Variants in CHD9 observed in about 807,000 individuals in gnomAD.
CHD9 encodes the protein chromodomain helicase DNA binding protein 9.
Under a neutral mutation model 316.1 loss-of-function variants are expected in CHD9, and 77 were observed. The ratio of observed to expected loss-of-function variants is 0.24; its 90% CI spans 0.20 to 0.29. The LOEUF is 0.29. CHD9 is among the 10% of genes least tolerant of loss of function. CHD9 has a pLI of 1.00. For synonymous variants in CHD9, 1,129 were observed against 1,158.3 expected (o/e 0.97, Z 0.51); for missense variants, 2,763 against 3,438.1 (o/e 0.80, Z 4.91).
rs373677883 is a variant in CHD9, at chr16:53,156,127, A to G, written c.38A>G (p.Asn13Ser). ...ATGATGGACTTTTTTGATGATGCCA[A>G]TCTTTTTGGTGAGACCTTAGAAGGT... is the stretch of plus-strand genomic sequence containing the variant. ...DPMMDFFDDA[N>S]LFGETLEGLS... The change falls in exon 2 of 39, where the codon AAT (asparagine) becomes AGT (serine). Residue 13 changes from asparagine (N) to serine (S), a missense_variant. Physicochemically the swap from Asn to Ser is conservative, Grantham distance 46. This residue lies in a region of CHD9 where 859 missense variants were observed against 890.4 expected (regional missense o/e 0.96). Coordinates refer to ENST00000447540, the MANE Select transcript of CHD9 (RefSeq NM_001308319.2). 112 of 1,613,408 alleles carry G rather than the reference A, an allele frequency of 6.9e-5. 2 individuals are homozygous for G. Among genetic ancestry groups the G allele is most frequent in the South Asian group, 3.5e-4 (32 of 90,988 alleles).
At chr16:53,160,052 G>C (rs558223200) in intron 2 of CHD9, among the ~76,000 whole-genome samples, 18 of 152,198 alleles carry the variant, frequency 1.2e-4, no homozygotes, top group African/African-American at 4.3e-4. Context: ...TTGTGATTTT[G>C]CTCCCCCTAC....
intron 19 of CHD9, among the ~76,000 whole-genome samples, chr16:53,262,487 GA>G (rs1325173578): frequency 6.6e-6 from 1 of 152,056 alleles, no homozygotes; most frequent in African/African-American, 2.4e-5. Flanking sequence ...GTGTGTTTGG[GA>G]AAAGAGTTTT....
chr16:53,270,209 C>T (rs561183626), intron 22 of CHD9, among the ~76,000 whole-genome samples: 1 of 149,380 alleles, frequency 6.7e-6, no homozygotes, highest in East Asian at 2.0e-4. Flanking sequence ...ACTTTGTTGC[C>T]CAGGCATGTC....
chr16:53,263,146 G>A (rs2051307144), intron 20 of CHD9, 49 bp downstream of exon 20: 2 of 1,363,658 alleles, frequency 1.5e-6, no homozygotes, highest in South Asian at 1.2e-5. Flanking sequence ...GGATACTTTG[G>A]CAATAGTATT....
chr16:53,146,603 G>A (rs1358051613), intron 1 of CHD9, among the ~76,000 whole-genome samples: 2 of 149,950 alleles, frequency 1.3e-5, no homozygotes, highest in Admixed American at 1.3e-4. Flanking sequence ...TTTGAGACCA[G>A]CCTGGCCAAC....
chr16:53,157,632 T>G, intron 2 of CHD9, 91 bp downstream of exon 2: 1 of 1,245,846 alleles, frequency 8.0e-7, no homozygotes, highest in Non-Finnish European at 1.1e-6. Context: ...TAGTCAAGAT[T>G]TCTCAAACTT....
chr16:53,062,027 C>T (rs920695262), intron 1 of CHD9, among the ~76,000 whole-genome samples: 3 of 152,190 alleles, frequency 2.0e-5, no homozygotes, highest in Non-Finnish European at 4.4e-5. Context: ...CTCTGCCCGC[C>T]TCTCACCCCT....
intron 1 of CHD9, among the ~76,000 whole-genome samples, chr16:53,058,190 A>G (rs1320670960): frequency 1.3e-5 from 2 of 152,086 alleles, no homozygotes; most frequent in African/African-American, 2.4e-5. Flanking sequence ...GCACGATGTC[A>G]GCTCACTGCA....
At chr16:53,066,422 A>G (rs1352468657) in intron 1 of CHD9, among the ~76,000 whole-genome samples, 2 of 152,212 alleles carry the variant, frequency 1.3e-5, no homozygotes, top group Non-Finnish European at 1.5e-5. Context: ...GCCTTAAAAA[A>G]TGTACATTAT....
intron 1 of CHD9, among the ~76,000 whole-genome samples, chr16:53,112,204 G>C (rs2037919835): frequency 6.6e-6 from 1 of 152,204 alleles, no homozygotes; most frequent in Non-Finnish European, 1.5e-5. Flanking sequence ...ATCTACTGAA[G>C]ATTCCTTGAA....
intron 1 of CHD9, among the ~76,000 whole-genome samples, chr16:53,147,565 CTG>C (rs1567375962): frequency 6.6e-6 from 1 of 152,290 alleles, no homozygotes; most frequent in African/African-American, 2.4e-5. Flanking sequence ...ACCTCTGTCT[CTG>C]TGAATTTTCC....
At chr16:53,172,725 A>G (rs1318576816) in intron 2 of CHD9, among the ~76,000 whole-genome samples, 2 of 152,192 alleles carry the variant, frequency 1.3e-5, no homozygotes, top group African/African-American at 4.8e-5. Flanking sequence ...TGATAGGTGA[A>G]GATAGTGGTA....
intron 1 of CHD9, among the ~76,000 whole-genome samples, chr16:53,086,644 T>C (rs1460512255): frequency 1.3e-5 from 2 of 152,236 alleles, no homozygotes; most frequent in African/African-American, 2.4e-5. Context: ...ATATAAGATA[T>C]GTGTGAAAGG....
chr16:53,146,403 T>TGG (rs2040584808), intron 1 of CHD9, among the ~76,000 whole-genome samples: 1 of 31,644 alleles, frequency 3.2e-5, no homozygotes, highest in African/African-American at 1.7e-4. Context: ...AAAAAAAAAA[T>TGG]TGTGTGTGTG....
chr16:53,268,391 A>G (rs1388946918), intron 22 of CHD9, among the ~76,000 whole-genome samples: 1 of 152,154 alleles, frequency 6.6e-6, no homozygotes, highest in Non-Finnish European at 1.5e-5. Context: ...AGATAGATCT[A>G]TCTCATTTTT....
At chr16:53,062,554 C>A (rs2033026517) in intron 1 of CHD9, among the ~76,000 whole-genome samples, 1 of 152,032 alleles carries the variant, frequency 6.6e-6, no homozygotes, top group Non-Finnish European at 1.5e-5. Flanking sequence ...CCAGCCTGGG[C>A]AACATAGTGA....
chr16:53,231,830 T>C (rs1187656268), intron 10 of CHD9, 46 bp downstream of exon 10: 3 of 1,484,508 alleles, frequency 2.0e-6, no homozygotes, highest in Non-Finnish European at 9.1e-7. Context: ...AGCACTTGTT[T>C]ATGTAAGTTA....
At chr16:53,277,926 A>G (rs1214209316) in intron 24 of CHD9, among the ~76,000 whole-genome samples, 1 of 152,182 alleles carries the variant, frequency 6.6e-6, no homozygotes, top group Non-Finnish European at 1.5e-5. Flanking sequence ...ATACAAAATT[A>G]ATGTACACAA....
intron 1 of CHD9, among the ~76,000 whole-genome samples, chr16:53,083,669 C>T (rs1358924063): frequency 2.0e-5 from 3 of 152,144 alleles, no homozygotes; most frequent in Non-Finnish European, 1.5e-5. Flanking sequence ...TCCCTCTTTT[C>T]TCTCACAGAG....
Sources: allele counts gnomAD v4.1 joint callset (sites outside exome capture counted in the v4.1 genomes callset), GRCh38; gene constraint gnomAD v4.1.1; regional missense constraint gnomAD v4.1.1; transcripts MANE v1.5; gene names NCBI Gene and HGNC (gene_info 2026-07-23, HGNC 2026-07-21).